The following OGDH variants were observed in gnomAD, a reference collection of about 807,000 sequenced individuals.
The protein encoded by OGDH is oxoglutarate dehydrogenase.
OGDH carries 38 observed loss-of-function variants against 116.6 expected under a neutral mutation model. The ratio of observed to expected loss-of-function variants is 0.33; its 90% CI spans 0.25 to 0.43. OGDH has a LOEUF of 0.43. OGDH is among the 20% of genes least tolerant of loss of function. OGDH has a pLI of 1.00. For missense variants in OGDH, 825 were observed against 1,357.2 expected (o/e 0.61, Z 6.16); for synonymous variants, 488 against 533.3 (o/e 0.92, Z 1.17).
intron 2 of OGDH, among the ~76,000 whole-genome samples, chr7:44,640,895 G>T (rs1304778606): frequency 4.2e-5 from 6 of 143,398 alleles, no homozygotes; most frequent in Non-Finnish European, 6.1e-5. Flanking sequence ...TTTTTTGTGG[G>T]TTTTTTTTTT....
chr7:44,665,670 T>C (rs1787154817), intron 4 of OGDH, among the ~76,000 whole-genome samples: 1 of 152,244 alleles, frequency 6.6e-6, no homozygotes, highest in African/African-American at 2.4e-5. Context: ...TCATCAGGTC[T>C]AGTCAGATGT....
intron 2 of OGDH, among the ~76,000 whole-genome samples, chr7:44,635,471 A>G (rs1206396727): frequency 4.6e-5 from 7 of 152,136 alleles, no homozygotes; most frequent in Non-Finnish European, 1.0e-4. Flanking sequence ...ACAAGGTGGC[A>G]GTAATGTGGT....
At chr7:44,685,725 C>A (rs1487585490) in intron 10 of OGDH, among the ~76,000 whole-genome samples, 2 of 151,906 alleles carry the variant, frequency 1.3e-5, no homozygotes, top group Non-Finnish European at 2.9e-5. Flanking sequence ...CTCATGCAGT[C>A]CCCCCACCTC....
rs1375926941 is a variant in OGDH at position 44,701,559 on chromosome 7, C to G, written c.2576C>G (p.Pro859Arg). The G allele has an allele frequency of 6.2e-7, 1 of 1,614,112 alleles. No individual in the cohort carries two copies. Among genetic ancestry groups the G allele is most frequent in the Admixed American group, 1.7e-5 (1 of 60,004 alleles). Reference sequence around the variant, plus strand: ...GTATTTCAGTTAATTATCTTCACCCCCAAATCCCTGTTGCGCCACCCCGAG... The same window carrying G: ...GTATTTCAGTTAATTATCTTCACCCGCAAATCCCTGTTGCGCCACCCCGAG... ...PFRKPLIIFTPKSLLRHPEAR... is the reference protein window; with the variant it reads ...PFRKPLIIFTRKSLLRHPEAR... Residue 859 changes from proline (P) to arginine (R), a missense_variant, in exon 20 of 23, where the codon CCC (proline) becomes CGC (arginine). Physicochemically the swap from Pro to Arg is moderately radical, Grantham distance 103. This residue lies in a region of OGDH where 212 missense variants were observed against 284.3 expected (regional missense o/e 0.75). Transcript: ENST00000222673.
intron 2 of OGDH, among the ~76,000 whole-genome samples, chr7:44,629,186 GC>G (rs1229409332): frequency 3.9e-5 from 6 of 152,210 alleles, no homozygotes; most frequent in African/African-American, 1.2e-4. Context: ...GAACTGCTAA[GC>G]CCCCATGAGT....
intron 1 of OGDH, among the ~76,000 whole-genome samples, chr7:44,621,187 C>T (rs1316933189): frequency 3.9e-5 from 6 of 152,188 alleles, no homozygotes; most frequent in Admixed American, 3.9e-4. Flanking sequence ...TATCCTTCCA[C>T]CTCAGCCTCC....
At chr7:44,639,144 G>T (rs886434924) in intron 2 of OGDH, among the ~76,000 whole-genome samples, 2 of 152,204 alleles carry the variant, frequency 1.3e-5, no homozygotes, top group Admixed American at 6.5e-5. Flanking sequence ...GGCTCTGCAG[G>T]TCCCCTGGAA....
intron 4 of OGDH, among the ~76,000 whole-genome samples, chr7:44,659,178 G>A (rs1357790853): frequency 6.6e-6 from 1 of 152,070 alleles, no homozygotes; most frequent in Non-Finnish European, 1.5e-5. Context: ...TGCTAATGTC[G>A]TGGTAGACGA....
intron 1 of OGDH, among the ~76,000 whole-genome samples, chr7:44,620,667 G>A (rs757260365): frequency 5.9e-5 from 9 of 152,096 alleles, no homozygotes; most frequent in Admixed American, 3.3e-4. Flanking sequence ...CTCCCAGCCC[G>A]TGGGCCACAT....
rs1307289657 is a variant in OGDH, at chr7:44,645,321, C to A, written c.223-6C>A. 6.2e-7 allele frequency: 1 copy of A among 1,613,412 alleles called. No homozygotes were observed. Among genetic ancestry groups the A allele is most frequent in the African/African-American group, 1.3e-5 (1 of 75,060 alleles). Reference sequence around the variant, plus strand: ...TGAGGTAACCCTGTACCTTCTTTGTCTTTAGTCATGGGACATTTTTTTTCG... The same window carrying A: ...TGAGGTAACCCTGTACCTTCTTTGTATTTAGTCATGGGACATTTTTTTTCG... On this transcript the variant is annotated splice_region_variant and splice_polypyrimidine_tract_variant and intron_variant, in intron 2 of 22. Coordinates refer to ENST00000222673, the MANE Select transcript of OGDH (RefSeq NM_002541.4).
intron 2 of OGDH, among the ~76,000 whole-genome samples, chr7:44,635,038 G>A (rs1785602619): frequency 6.6e-6 from 1 of 152,176 alleles, no homozygotes; most frequent in Admixed American, 6.5e-5. Context: ...ACCATTTCCT[G>A]GGCAGCATTG....
At chr7:44,665,285 TAAAAAAA>T (rs61608424) in intron 4 of OGDH, among the ~76,000 whole-genome samples, 3 of 91,982 alleles carry the variant, frequency 3.3e-5, no homozygotes, top group Non-Finnish European at 4.7e-5. Flanking sequence ...CCCTCCAGGT[TAAAAAAA>T]AAAAAAAAAA....
At chr7:44,609,077 A>C (rs1049392080) in intron 1 of OGDH, among the ~76,000 whole-genome samples, 1 of 152,066 alleles carries the variant, frequency 6.6e-6, no homozygotes, top group African/African-American at 2.4e-5. Flanking sequence ...GGTAACCACT[A>C]ATCTGTTCTT....
intron 5 of OGDH, among the ~76,000 whole-genome samples, chr7:44,670,998 A>G (rs1787418679): frequency 6.8e-6 from 1 of 147,214 alleles, no homozygotes; most frequent in South Asian, 2.2e-4. Flanking sequence ...GCAACAGAGC[A>G]AGACTCCATC....
At chr7:44,639,045 A>G (rs1785801863) in intron 2 of OGDH, among the ~76,000 whole-genome samples, 1 of 152,204 alleles carries the variant, frequency 6.6e-6, no homozygotes, top group Admixed American at 6.5e-5. Flanking sequence ...AAGGGAGAGG[A>G]CAAACATCCC....
At chr7:44,649,041 C>A (rs548834768) in intron 4 of OGDH, among the ~76,000 whole-genome samples, 1 of 151,988 alleles carries the variant, frequency 6.6e-6, no homozygotes, top group East Asian at 1.9e-4. Context: ...GCCTGTCTGC[C>A]CTGTGCCTCT....
chr7:44,670,179 A>G (rs969007656), intron 5 of OGDH, among the ~76,000 whole-genome samples: 1 of 152,030 alleles, frequency 6.6e-6, no homozygotes, highest in African/African-American at 2.4e-5. Flanking sequence ...AGAGATACTG[A>G]TTTCTAGAGT....
intron 10 of OGDH, among the ~76,000 whole-genome samples, chr7:44,686,470 T>C (rs6961567): frequency 0.065 from 9,946 of 152,258 alleles, 383 homozygotes; most frequent in Middle Eastern, 0.095. Context: ...CTTATGTTCA[T>C]GAGGGGTATT....
chr7:44,608,244 A>T (rs1303668519), intron 1 of OGDH, among the ~76,000 whole-genome samples: 1 of 152,094 alleles, frequency 6.6e-6, no homozygotes, highest in Non-Finnish European at 1.5e-5. Flanking sequence ...TCTACAAAAA[A>T]TAAAATTATC....
Sources: gnomAD v4.1 joint callset for allele counts (sites outside exome capture counted in the v4.1 genomes callset) on GRCh38, gnomAD v4.1.1 for gene constraint, gnomAD v4.1.1 regional missense constraint, MANE v1.5 for transcripts, NCBI Gene and HGNC (gene_info 2026-07-23, HGNC 2026-07-21) for gene names.